The following ATM variants were observed in gnomAD, a reference collection of about 807,000 sequenced individuals.
ATM encodes serine-protein kinase ATM.
A neutral mutation model predicts 387.0 loss-of-function variants in ATM; 308 were observed. The ratio of observed to expected loss-of-function variants is 0.80; its 90% confidence interval spans 0.73 to 0.87. ATM has a LOEUF of 0.87. Ranked by LOEUF, ATM falls within the 40% of genes least tolerant of loss-of-function variation. The pLI is 0.00. For missense variants in ATM, 3,312 were observed against 3,560.9 expected, an observed-to-expected ratio of 0.93 and a Z score of 1.78; for synonymous variants, 1,156 against 1,187.3, an observed-to-expected ratio of 0.97 and a Z score of 0.54.
In ATM at chr11:108,289,740, G is replaced by A. The variant is rs145667735; in HGVS notation, c.4375G>A (p.Gly1459Arg). Reference sequence around the variant, plus strand: ...GAAAGATATAAAAAGTGGCTTAGGAGGAGCTTGGGCCTTTGTTCTTCGAGA... The same window carrying A: ...GAAAGATATAAAAAGTGGCTTAGGAAGAGCTTGGGCCTTTGTTCTTCGAGA... ...LLKDIKSGLG[G>R]AWAFVLRDVI... Residue 1459 changes from glycine to arginine, a missense_variant, in exon 29 of 63, where the codon GGA (glycine) becomes AGA (arginine). Physicochemically the swap from Gly to Arg is moderately radical, Grantham distance 125. Transcript: ENST00000675843. The A allele has an allele frequency of 1.7e-4, 272 of 1,613,574 alleles. No individual in the cohort carries two copies. The highest frequency in any genetic ancestry group is 2.1e-4 in the Non-Finnish European group (248 of 1,179,978).
intron 23 of ATM, 94 bp from the exon 24 acceptor site, chr11:108,280,901 C>A: frequency 8.5e-7 from 1 of 1,175,424 alleles, no homozygotes; most frequent in Non-Finnish European, 1.2e-6. Context: ...ATGTGTATAG[C>A]TTGTCAAAAA....
At chr11:108,243,280 T>A (rs1240742594) in intron 5 of ATM, among the ~76,000 whole-genome samples, 1 of 151,844 alleles carries the variant, frequency 6.6e-6, no homozygotes, top group Non-Finnish European at 1.5e-5. Context: ...TCTCAACACA[T>A]TTTTTGCATA....
chr11:108,247,818 A>T (rs2135277557), intron 8 of ATM, among the ~76,000 whole-genome samples: 1 of 151,480 alleles, frequency 6.6e-6, no homozygotes, highest in East Asian at 2.0e-4. Flanking sequence ...CTAGTCTCAG[A>T]CTCCTGACCT....
rs11212574 is a variant in ATM, at chr11:108,269,740, C to T, written c.2838+1131C>T. On this transcript the variant is annotated intron_variant, in intron 18 of 62. Transcript: ENST00000675843. The stretch of plus-strand genomic sequence containing the variant: ...TGCCTGGTGAGTCCCTAATTAGAAC[C>T]TCTGATCACAGTAAATTGTAGGCTG... Among the ~76,000 whole-genome samples, 922 of 152,288 alleles carry T rather than the reference C, an allele frequency of 6.1e-3. 6 individuals carry two copies. Among genetic ancestry groups the T allele is most frequent in the East Asian group, 0.011 (55 of 5,176 alleles).
chr11:108,238,330 A>C (rs1172464262), intron 5 of ATM, among the ~76,000 whole-genome samples: 1 of 152,004 alleles, frequency 6.6e-6, no homozygotes, highest in Non-Finnish European at 1.5e-5. Context: ...TATATTAAAA[A>C]AAATAGAGAC....
chr11:108,354,814 C>T lies in ATM; in HGVS notation c.8790C>T (p.Cys2930=), dbSNP rs1565582275. 6.2e-7 allele frequency: 1 copy of T among 1,613,316 alleles called. No individual in the cohort carries two copies. Among genetic ancestry groups the T allele is most frequent in the Non-Finnish European group, 8.5e-7 (1 of 1,179,302 alleles). ...TTTATAATGTGTTTGACTCTAGATG[C>T]TGTGAGAAAACCATGGAAGTGATGA... is the stretch of plus-strand genomic sequence containing the variant. ...ITGVEGVFRR[C]CEKTMEVMRN... The change falls in exon 61 of 63, where the codon TGC becomes TGT. Residue 2930 remains cysteine (C), a synonymous_variant. Transcript: ENST00000675843.
At chr11:108,342,241 A>G (rs1204146770) in intron 56 of ATM, among the ~76,000 whole-genome samples, 1 of 152,194 alleles carries the variant, frequency 6.6e-6, no homozygotes, top group Non-Finnish European at 1.5e-5. Context: ...CGAGTAGTTT[A>G]TTTCATTGCA....
chr11:108,253,656 A>T (rs1406576708), intron 12 of ATM, among the ~76,000 whole-genome samples, 158 bp from the exon 13 acceptor site: 1 of 152,154 alleles, frequency 6.6e-6, no homozygotes, highest in East Asian at 1.9e-4. Context: ...AAGTCCGAAG[A>T]AGAGAAGCAT....
chr11:108,248,550 AT>A lies in ATM; in HGVS notation c.1066-375del, dbSNP rs530034539. Among the ~76,000 whole-genome samples the A allele has an allele frequency of 2.5e-3, 381 of 152,082 alleles. 2 individuals are homozygous for A. Among genetic ancestry groups the A allele is most frequent in the South Asian group, 8.5e-3 (41 of 4,822 alleles). On this transcript the variant is annotated intron_variant, in intron 8 of 62. Coordinates refer to ENST00000675843, the MANE Select transcript of ATM (RefSeq NM_000051.4). Reference sequence around the variant, plus strand: ...TCCCTGTATCTTCATTTCAGAAAGAATTTTTTTTCCCCCTAATGAAATATTA... The same window carrying A: ...TCCCTGTATCTTCATTTCAGAAAGAATTTTTTTCCCCCTAATGAAATATTA...
At chr11:108,274,520 C>T (rs1222103733) in intron 22 of ATM, among the ~76,000 whole-genome samples, 1 of 152,132 alleles carries the variant, frequency 6.6e-6, no homozygotes, top group Non-Finnish European at 1.5e-5. Flanking sequence ...CTATAAATTT[C>T]CCTCTAAACA....
chr11:108,279,347 T>G (rs767955325), intron 22 of ATM, 144 bp from the exon 23 acceptor site: 12 of 671,968 alleles, frequency 1.8e-5, no homozygotes, highest in Non-Finnish European at 3.2e-5. Context: ...AACTCAGGTT[T>G]TGTTAGTCTT....
At chr11:108,247,554 A>G (rs1040328107) in intron 8 of ATM, among the ~76,000 whole-genome samples, 9 of 152,080 alleles carry the variant, frequency 5.9e-5, no homozygotes, top group African/African-American at 1.4e-4. Flanking sequence ...TATTTTTACT[A>G]TGTTGTACAA....
chr11:108,359,058 G>A (rs901301352), intron 61 of ATM, among the ~76,000 whole-genome samples: 14 of 148,756 alleles, frequency 9.4e-5, no homozygotes, highest in South Asian at 4.4e-4. Context: ...CCCATCTCAC[G>A]TGCAGAGACA....
At chr11:108,261,070 T>C (rs624852) in intron 16 of ATM, among the ~76,000 whole-genome samples, 91,773 of 149,618 alleles carry the variant, frequency 0.61, 28,148 homozygotes, top group Middle Eastern at 0.76. Flanking sequence ...GAGGGATGCC[T>C]GCCATTGCCC....
chr11:108,336,092 T>G, intron 56 of ATM, 131 bp downstream of exon 56: 1 of 694,560 alleles, frequency 1.4e-6, no homozygotes, highest in Non-Finnish European at 2.6e-6. Context: ...AGGCCAGGAG[T>G]TCGAGACCAG....
At chr11:108,355,457 A>T (rs1055541737) in intron 61 of ATM, 2 of 157,024 alleles carry the variant, frequency 1.3e-5, no homozygotes, top group African/African-American at 4.8e-5. Context: ...GGGCAGAAAA[A>T]AGGAAGTCAA....
intron 29 of ATM, among the ~76,000 whole-genome samples, chr11:108,290,873 G>A (rs140923564): frequency 1.3e-5 from 2 of 148,432 alleles, no homozygotes; most frequent in Non-Finnish European, 3.0e-5. Flanking sequence ...GAAATCTTAA[G>A]AAGGATCTTC....
chr11:108,293,233 CATTT>C, intron 30 of ATM, 76 bp from the exon 31 acceptor site: 1 of 895,318 alleles, frequency 1.1e-6, no homozygotes. Context: ...TAGATTTTAT[CATTT>C]ATTACAGTAA....
intron 33 of ATM, 112 bp downstream of exon 33, chr11:108,297,494 T>C: frequency 1.1e-6 from 1 of 914,468 alleles, no homozygotes; most frequent in Non-Finnish European, 1.8e-6. Flanking sequence ...TAGTATTCAG[T>C]ATAGTAACAT....
Sources: allele counts gnomAD v4.1 joint callset (sites outside exome capture counted in the v4.1 genomes callset), GRCh38; gene constraint gnomAD v4.1.1; transcripts MANE v1.5; gene names NCBI Gene and HGNC (gene_info 2026-07-23, HGNC 2026-07-21).